The following FAM149A variants were observed in gnomAD, a reference collection of about 807,000 sequenced individuals.
FAM149A encodes the protein protein FAM149A.
A neutral mutation model predicts 78.2 loss-of-function variants in FAM149A; 71 were observed. The observed-to-expected ratio is 0.91, with a 90% CI of 0.75 to 1.11. The LOEUF is 1.11. FAM149A is among the 50% of genes least tolerant of loss of function. The pLI is 0.00. For missense variants in FAM149A, 1,036 were observed against 971.0 expected, an observed-to-expected ratio of 1.07 and a Z score of -0.89; for synonymous variants, 446 against 410.5, an observed-to-expected ratio of 1.09 and a Z score of -1.04.
intron 3 of FAM149A, among the ~76,000 whole-genome samples, 190 bp downstream of exon 3, chr4:186,149,894 ACTCCCTCGTGAC>A (rs1233438005): frequency 6.6e-6 from 1 of 151,836 alleles, no homozygotes; most frequent in African/African-American, 2.4e-5. Context: ...GGAAAACAGA[ACTCCCTCGTGAC>A]CTTCTGGCCC....
intron 8 of FAM149A, chr4:186,160,782 A>ACAC (rs1473420037): frequency 2.2e-4 from 7 of 31,622 alleles, no homozygotes; most frequent in African/African-American, 9.8e-4. Context: ...ACACCACACC[A>ACAC]CACACACACA....
rs1182031108 is a variant in FAM149A at position 186,144,918 on chromosome 4, C to T, written c.567-4255C>T. Reference sequence around the variant, plus strand: ...GCCCGGGCCGCCTGAGCTGGGCCAGCCGCGCGGCGGGCGCGGGCGCGGGCG... The same window carrying T: ...GCCCGGGCCGCCTGAGCTGGGCCAGTCGCGCGGCGGGCGCGGGCGCGGGCG... On this transcript the variant is annotated intron_variant, in intron 1 of 13. Transcript: ENST00000389354. The surrounding 1 kb of genome is among the most constrained non-coding windows in gnomAD (Gnocchi z 4.2). 5.2e-6 allele frequency: 5 copies of T among 954,142 alleles called. No homozygotes were observed. Among genetic ancestry groups the T allele is most frequent in the Non-Finnish European group, 6.1e-6 (5 of 814,576 alleles). The allele number at this position is 954,142 out of a possible 1,614,324, so 59.1% of individuals were successfully genotyped here. A position where few individuals can be genotyped will look rare whatever the true frequency, so the allele number is the denominator to read the frequency against.
At position 186,144,827 on chromosome 4, in the gene FAM149A, C is replaced by T; in HGVS notation, c.567-4346C>T. On this transcript the variant is annotated intron_variant, in intron 1 of 13. Coordinates refer to ENST00000389354, the MANE Select transcript of FAM149A (RefSeq NM_001367768.3). This position sits in a 1 kb window ranked among gnomAD's most constrained non-coding sequence, Gnocchi z 4.2. ...GCAGGGAGGAGGAGGGGAGGCGGCG[C>T]CGGCGCGGGCGGGGCGGAGGATCTG... 3 of 982,660 alleles carry T rather than the reference C, an allele frequency of 3.1e-6. No individual in the cohort carries two copies. Among genetic ancestry groups the T allele is most frequent in the South Asian group, 4.5e-5 (1 of 22,084 alleles). 60.9% of individuals were successfully genotyped at this position (982,660 alleles called of 1,614,324 possible).
intron 4 of FAM149A, chr4:186,153,292 T>A (rs911187937): frequency 1.1e-6 from 1 of 941,980 alleles, no homozygotes; most frequent in Non-Finnish European, 1.3e-6. Context: ...TATTAGTTAA[T>A]ATGTATGGAG....
At chr4:186,125,610 G>A (rs2126318185) in intron 1 of FAM149A, 1 of 727,342 alleles carries the variant, frequency 1.4e-6, no homozygotes, top group Non-Finnish European at 1.7e-6. Flanking sequence ...AGAGTCAACA[G>A]CACAGGCTTG....
intron 1 of FAM149A, among the ~76,000 whole-genome samples, chr4:186,147,966 A>G (rs1488751012): frequency 6.6e-6 from 1 of 152,258 alleles, no homozygotes; most frequent in African/African-American, 2.4e-5. Flanking sequence ...TCTCTCTTGC[A>G]TGAGACGTAT....
rs1386952186 is a variant in FAM149A, at chr4:186,153,774, T to A, written c.1058+4T>A. ...GACACAGCAGCAACATCAGAGAGTA[T>A]GTTCAGATAAGTGACTCTCAAAAAG... On this transcript the variant is annotated splice_donor_region_variant and intron_variant, in intron 5 of 13. Coordinates refer to ENST00000389354, the MANE Select transcript of FAM149A (RefSeq NM_001367768.3). 26 of 1,595,020 alleles carry A rather than the reference T, an allele frequency of 1.6e-5. No homozygotes were observed. Among genetic ancestry groups the A allele is most frequent in the Non-Finnish European group, 2.2e-5 (26 of 1,165,696 alleles).
chr4:186,164,533 T>C lies in FAM149A; in HGVS notation c.1890-811T>C, dbSNP rs1474883999. The C allele has an allele frequency of 1.0e-6, 1 of 967,476 alleles. No homozygotes were observed. Among genetic ancestry groups the C allele is most frequent in the Non-Finnish European group, 1.2e-6 (1 of 813,654 alleles). The allele number at this position is 967,476 out of a possible 1,614,324, so 59.9% of individuals were successfully genotyped here. A position where few individuals can be genotyped will look rare whatever the true frequency, so the allele number is the denominator to read the frequency against. On this transcript the variant is annotated intron_variant, in intron 10 of 13. Coordinates refer to ENST00000389354, the MANE Select transcript of FAM149A (RefSeq NM_001367768.3). This position sits in a 1 kb window ranked among gnomAD's most constrained non-coding sequence, Gnocchi z 4.0. ...CCCTTTCAGCTTTTTAATTGGTGAC[T>C]GTTTCTTTCACAGTTTGGGACTGAT...
rs1176358284 is a variant in FAM149A, at chr4:186,173,535, T to G, written c.*1548T>G. ...ACCCAGCTAAATTTTTTTTGTATTT[T>G]TAGTAGAGGCAGGGTTTCACCATGT... On this transcript the variant is annotated 3_prime_UTR_variant, in exon 14 of 14. Transcript: ENST00000389354. 1.8e-5 allele frequency among the ~76,000 whole-genome samples: 2 copies of G among 111,058 alleles called. 1 individual carries two copies. The highest frequency in any genetic ancestry group is 4.5e-5 in the Non-Finnish European group (2 of 44,094). The allele number at this position is 111,058 out of a possible 152,430, so 72.9% of individuals were successfully genotyped here. A position where few individuals can be genotyped will look rare whatever the true frequency, so the allele number is the denominator to read the frequency against.
At position 186,174,057 on chromosome 4, in the gene FAM149A, A is replaced by T. The variant is rs1258256264; in HGVS notation, c.*2070A>T. On this transcript the variant is annotated 3_prime_UTR_variant, in exon 14 of 14. Transcript: ENST00000389354. Reference sequence around the variant, plus strand: ...TATGTCCATTTCCAGGAACCATCCAACTCCTTCCCTATTCAGTCCAAACTT... The same window carrying T: ...TATGTCCATTTCCAGGAACCATCCATCTCCTTCCCTATTCAGTCCAAACTT... Among the ~76,000 whole-genome samples the T allele has an allele frequency of 8.0e-5, 8 of 100,074 alleles. 2 individuals are homozygous for T. Among genetic ancestry groups the T allele is most frequent in the African/African-American group, 2.6e-4 (8 of 30,586 alleles). 65.7% of individuals were successfully genotyped at this position (100,074 alleles called of 152,430 possible). A position where few individuals can be genotyped will look rare whatever the true frequency, so the allele number is the denominator to read the frequency against.
rs781089070 is a variant in FAM149A at position 186,154,590 on chromosome 4, A to C, written c.1181A>C (p.His394Pro). The change falls in exon 6 of 14, where the codon CAT becomes CCT. Residue 394 changes from histidine to proline, a missense_variant. His to Pro is a moderately conservative substitution (Grantham distance 77). Coordinates refer to ENST00000389354, the MANE Select transcript of FAM149A (RefSeq NM_001367768.3). ...TCATCCCTGGAAGAAGAGGTTTACC[A>C]TGTGGATGGAAAGATTGAGGAGTAT... is the stretch of plus-strand genomic sequence containing the variant. The C allele has an allele frequency of 1.2e-6, 2 of 1,614,160 alleles. No individual in the cohort carries two copies. Among genetic ancestry groups the C allele is most frequent in the Admixed American group, 3.3e-5 (2 of 60,010 alleles).
intron 6 of FAM149A, 39 bp from the exon 7 acceptor site, chr4:186,155,961 A>G: frequency 6.5e-7 from 1 of 1,549,402 alleles, no homozygotes; most frequent in Non-Finnish European, 8.9e-7. Flanking sequence ...AACTCTAAGC[A>G]TTGATCTTTT....
chr4:186,142,393 C>T (rs74872139), intron 1 of FAM149A, among the ~76,000 whole-genome samples: 2,398 of 152,288 alleles, frequency 0.016, 71 homozygotes, highest in African/African-American at 0.055. Context: ...GACTTCTGAG[C>T]ATCTTGAAAG....
chr4:186,137,004 C>T lies in FAM149A; in HGVS notation c.567-12169C>T, dbSNP rs908904515. On this transcript the variant is annotated intron_variant, in intron 1 of 13. Coordinates refer to ENST00000389354, the MANE Select transcript of FAM149A (RefSeq NM_001367768.3). The stretch of plus-strand genomic sequence containing the variant: ...TCTCTCTCTCTCTCTCTCTCTCTCT[C>T]TCTCTCTCTCTCTCTAAGTGCTTAA... 1.2e-3 allele frequency among the ~76,000 whole-genome samples: 158 copies of T among 135,028 alleles called. 1 individual carries two copies. The highest frequency in any genetic ancestry group is 4.1e-3 in the African/African-American group (142 of 35,056). The allele number at this position is 135,028 out of a possible 152,430, so 88.6% of individuals were successfully genotyped here.
intron 1 of FAM149A, among the ~76,000 whole-genome samples, chr4:186,128,688 G>C (rs2099319373): frequency 6.6e-6 from 1 of 152,166 alleles, no homozygotes; most frequent in African/African-American, 2.4e-5. Context: ...TTTAGAATTA[G>C]AGTGTTCACC....
At chr4:186,108,177 TA>T (rs755358765) in intron 1 of FAM149A, among the ~76,000 whole-genome samples, 17 of 152,336 alleles carry the variant, frequency 1.1e-4, no homozygotes, top group Non-Finnish European at 2.5e-4. Flanking sequence ...ATCAGGAATT[TA>T]AATTTCAAAA....
chr4:186,129,482 G>C (rs1042194191), intron 1 of FAM149A, among the ~76,000 whole-genome samples: 5 of 152,268 alleles, frequency 3.3e-5, no homozygotes, highest in Admixed American at 6.5e-5. Flanking sequence ...CACTTCAAAA[G>C]TTCTCTTGAT....
chr4:186,172,018 G>T lies in FAM149A; in HGVS notation c.*31G>T, dbSNP rs1735579369. On this transcript the variant is annotated 3_prime_UTR_variant, in exon 14 of 14. Transcript: ENST00000389354. ...CCTCACCAGAACCATTGGAGCACCT[G>T]TGGCCTCGGCACACTGCTTATCACT... 1.9e-6 allele frequency: 3 copies of T among 1,607,166 alleles called. No homozygotes were observed. Among genetic ancestry groups the T allele is most frequent in the Admixed American group, 3.4e-5 (2 of 58,732 alleles).
chr4:186,140,754 G>C (rs1285595107), intron 1 of FAM149A, among the ~76,000 whole-genome samples: 1 of 152,140 alleles, frequency 6.6e-6, no homozygotes, highest in Non-Finnish European at 1.5e-5. Flanking sequence ...TTCTCAATTA[G>C]GGTTTAAATA....
Sources: allele counts gnomAD v4.1 joint callset (sites outside exome capture counted in the v4.1 genomes callset), GRCh38; gene constraint gnomAD v4.1.1; non-coding constraint Gnocchi (gnomAD v3.1); transcripts MANE v1.5; gene names NCBI Gene and HGNC (gene_info 2026-07-23, HGNC 2026-07-21).